PAK5: variants seen among roughly 807,000 people sequenced by gnomAD.
The protein encoded by PAK5 is serine/threonine-protein kinase PAK 5.
PAK5 carries 16 observed loss-of-function variants against 65.9 expected under a neutral mutation model. The observed-to-expected ratio is 0.24, with a 90% CI of 0.16 to 0.37. The LOEUF (loss-of-function observed/expected upper bound fraction) is 0.37. Among genes scored for constraint, PAK5 ranks in the 10% least tolerant of loss-of-function variants. The probability of loss-of-function intolerance (pLI) is 1.00; values close to 1 mark genes in which losing one functional copy is unlikely to be tolerated. For synonymous variants in PAK5, 371 were observed against 354.9 expected (o/e 1.05, Z -0.51); for missense variants, 785 against 903.9 (o/e 0.87, Z 1.69).
intron 1 of PAK5, among the ~76,000 whole-genome samples, chr20:9,724,047 T>C (rs555984382): frequency 6.6e-6 from 1 of 152,306 alleles, no homozygotes; most frequent in East Asian, 1.9e-4. Flanking sequence ...CCGTCCATTC[T>C]AGATTGCTTG....
At chr20:9,599,331 A>C (rs777542828) in intron 3 of PAK5, among the ~76,000 whole-genome samples, 13 of 152,230 alleles carry the variant, frequency 8.5e-5, no homozygotes, top group Admixed American at 1.3e-4. Context: ...GATATACAAT[A>C]ATCTGTTCAA....
chr20:9,805,944 G>C (rs1269000745), intron 1 of PAK5, among the ~76,000 whole-genome samples: 1 of 152,078 alleles, frequency 6.6e-6, no homozygotes, highest in Non-Finnish European at 1.5e-5. Context: ...AGCTAAGGGA[G>C]AGAGATGGAT....
intron 1 of PAK5, among the ~76,000 whole-genome samples, chr20:9,829,699 A>G (rs1466366403): frequency 1.3e-5 from 2 of 152,232 alleles, no homozygotes; most frequent in Non-Finnish European, 2.9e-5. Flanking sequence ...ACAAGAGTAC[A>G]AAAGGAGTCC....
At chr20:9,659,561 C>A (rs967325534) in intron 2 of PAK5, among the ~76,000 whole-genome samples, 1 of 152,086 alleles carries the variant, frequency 6.6e-6, no homozygotes, top group African/African-American at 2.4e-5. Context: ...CTTTTAATGT[C>A]ATTGATTATA....
chr20:9,756,820 T>A (rs2048639789), intron 1 of PAK5, among the ~76,000 whole-genome samples: 1 of 152,164 alleles, frequency 6.6e-6, no homozygotes. Context: ...GGCCGGTTAC[T>A]GCAAACATCT....
At chr20:9,703,106 C>G (rs1292862800) in intron 2 of PAK5, among the ~76,000 whole-genome samples, 1 of 152,170 alleles carries the variant, frequency 6.6e-6, no homozygotes, top group Non-Finnish European at 1.5e-5. Context: ...CCGTCAGACC[C>G]TTTATTGAGA....
intron 3 of PAK5, among the ~76,000 whole-genome samples, chr20:9,622,411 G>A (rs1482815018): frequency 6.6e-6 from 1 of 152,114 alleles, no homozygotes; most frequent in Non-Finnish European, 1.5e-5. Context: ...GTACCCTAGT[G>A]GACATTTACA....
rs371465281 is a variant in PAK5 at position 9,564,374 on chromosome 20, A to G, written c.1483-1350T>C. On this transcript the variant is annotated intron_variant, in intron 5 of 9. Transcript: ENST00000353224. ...ACATATCAATAGCTCCTACACATCA[A>G]TAAAACAAATGCTAGCACCCTAATT... Among the ~76,000 whole-genome samples, 5 of 152,366 alleles carry G rather than the reference A, an allele frequency of 3.3e-5. No individual in the cohort carries two copies. In the East Asian group the frequency reaches 7.7e-4, roughly 23 times the overall value.
At chr20:9,740,423 G>C (rs2048438680) in intron 1 of PAK5, among the ~76,000 whole-genome samples, 1 of 152,128 alleles carries the variant, frequency 6.6e-6, no homozygotes, top group Admixed American at 6.6e-5. Context: ...CTGTAGATTT[G>C]GTAATGCCTC....
At chr20:9,562,092 C>G (rs549590115) in intron 6 of PAK5, among the ~76,000 whole-genome samples, 1 of 152,254 alleles carries the variant, frequency 6.6e-6, no homozygotes, top group East Asian at 1.9e-4. Context: ...AACTCCTATT[C>G]GCTCTCAAAA....
At chr20:9,746,622 T>C (rs746625365) in intron 1 of PAK5, among the ~76,000 whole-genome samples, 2 of 152,190 alleles carry the variant, frequency 1.3e-5, no homozygotes, top group African/African-American at 2.4e-5. Flanking sequence ...ACTAATTCAT[T>C]AGCCATTAGC....
chr20:9,576,443 G>A (rs548518215), intron 4 of PAK5, among the ~76,000 whole-genome samples: 7 of 152,228 alleles, frequency 4.6e-5, no homozygotes, highest in African/African-American at 1.7e-4. Context: ...TGCTATGGAC[G>A]TCTAGAGGGG....
chr20:9,748,844 G>T lies in PAK5; in HGVS notation c.-161-37409C>A, dbSNP rs567318223. ...CCTCAAATCTCATTAATGTGAATGA[G>T]AAACTTATTTAATTAATTCAATTTC... On this transcript the variant is annotated intron_variant, in intron 1 of 9. Transcript: ENST00000353224. 3.1e-3 allele frequency among the ~76,000 whole-genome samples: 475 copies of T among 152,214 alleles called. 3 individuals are homozygous for T. Among genetic ancestry groups the T allele is most frequent in the Non-Finnish European group, 4.7e-3 (318 of 67,998 alleles).
chr20:9,763,559 C>T (rs2048723954), intron 1 of PAK5, among the ~76,000 whole-genome samples: 1 of 152,014 alleles, frequency 6.6e-6, no homozygotes, highest in African/African-American at 2.4e-5. Context: ...AATCTTGAAG[C>T]CCAACTCTCA....
chr20:9,637,215 G>A (rs183065975), intron 3 of PAK5, among the ~76,000 whole-genome samples: 1 of 152,040 alleles, frequency 6.6e-6, no homozygotes, highest in Non-Finnish European at 1.5e-5. Flanking sequence ...TTGCTAGGTT[G>A]CCCAGGTTGG....
chr20:9,821,486 G>A (rs2049420462), intron 1 of PAK5, among the ~76,000 whole-genome samples: 2 of 152,094 alleles, frequency 1.3e-5, no homozygotes, highest in Non-Finnish European at 1.5e-5. Flanking sequence ...TGCCTAACCT[G>A]AGTATCCTAT....
intron 1 of PAK5, among the ~76,000 whole-genome samples, chr20:9,721,270 G>T (rs767931946): frequency 6.6e-6 from 1 of 152,008 alleles, no homozygotes; most frequent in East Asian, 1.9e-4. Flanking sequence ...TCAATCGAAG[G>T]ACTCGGGCTT....
intron 6 of PAK5, among the ~76,000 whole-genome samples, chr20:9,560,321 C>A (rs1475799534): frequency 6.6e-6 from 1 of 152,156 alleles, no homozygotes; most frequent in Non-Finnish European, 1.5e-5. Flanking sequence ...AAATTCAAAT[C>A]CTGGCTGTAT....
At chr20:9,594,518 G>C (rs2046229560) in intron 3 of PAK5, among the ~76,000 whole-genome samples, 1 of 152,170 alleles carries the variant, frequency 6.6e-6, no homozygotes, top group Non-Finnish European at 1.5e-5. Context: ...ATTTGTTTCT[G>C]AATTATGAAG....
Sources: gnomAD v4.1 joint callset for allele counts (sites outside exome capture counted in the v4.1 genomes callset) on GRCh38, gnomAD v4.1.1 for gene constraint, MANE v1.5 for transcripts, NCBI Gene and HGNC (gene_info 2026-07-23, HGNC 2026-07-21) for gene names.